TRIP11: variants seen among roughly 807,000 people sequenced by gnomAD.
TRIP11 encodes thyroid hormone receptor interactor 11.
A neutral mutation model predicts 223.1 loss-of-function variants in TRIP11; 148 were observed. That is an observed-to-expected ratio of 0.66 (90% CI 0.58 to 0.76). The LOEUF is 0.76. TRIP11 is among the 30% of genes least tolerant of loss of function. The pLI, the probability that TRIP11 is intolerant of heterozygous loss-of-function variation, is 0.00. For synonymous variants in TRIP11, 762 were observed against 772.6 expected (o/e 0.99, Z 0.23); for missense variants, 2,043 against 2,222.0 (o/e 0.92, Z 1.62).
rs995402570 is a variant in TRIP11 at position 92,037,532 on chromosome 14, A to C, written c.139+2015T>G. Among the ~76,000 whole-genome samples, 1 of 152,268 alleles carries C rather than the reference A, an allele frequency of 6.6e-6. No homozygotes were observed. The highest frequency in any genetic ancestry group is 2.4e-5 in the African/African-American group (1 of 41,480). On this transcript the variant is annotated intron_variant, in intron 1 of 20. Transcript: ENST00000267622. This position sits in a 1 kb window ranked among gnomAD's most constrained non-coding sequence, Gnocchi z 4.2. ...CACGACAGAAGCTGTGCGTACAAGC[A>C]AGCATATATATGTGCACATGTACAG...
chr14:91,991,481 G>A (rs545878204), intron 15 of TRIP11, among the ~76,000 whole-genome samples: 48 of 152,250 alleles, frequency 3.2e-4, no homozygotes, highest in Admixed American at 1.4e-3. Context: ...TGTTGACAAG[G>A]ATGTAGAACA....
rs2140103853 is a variant in TRIP11, at chr14:91,993,867, A to C, written c.5102T>G (p.Leu1701Arg). The C allele has an allele frequency of 6.2e-7, 1 of 1,613,750 alleles. No homozygotes were observed. The highest frequency in any genetic ancestry group is 8.5e-7 in the Non-Finnish European group (1 of 1,179,938). The part of the protein sequence containing the change: ...YSAELEKQKQ[L>R]IAEWKKNAEN... ...TGCGTTTTTCTTCCATTCAGCTATAAGCTGTTTTTGCTTTTCGAGTTCAGC... is the reference window on the plus strand; with the variant it reads ...TGCGTTTTTCTTCCATTCAGCTATACGCTGTTTTTGCTTTTCGAGTTCAGC... The change falls in exon 15 of 21, where the codon CTT becomes CGT. Residue 1701 changes from leucine to arginine, a missense_variant. By Grantham distance (102) the Leu-to-Arg change is moderately radical (BLOSUM62 -2). Coordinates refer to ENST00000267622, the MANE Select transcript of TRIP11 (RefSeq NM_004239.4).
intron 1 of TRIP11, among the ~76,000 whole-genome samples, chr14:92,038,725 T>C (rs1408622220): frequency 6.6e-6 from 1 of 152,182 alleles, no homozygotes; most frequent in Non-Finnish European, 1.5e-5. Context: ...GAACAGCCCA[T>C]TATCTCCCTG....
chr14:91,993,928 A>C lies in TRIP11; in HGVS notation c.5057-16T>G. 6.3e-7 allele frequency: 1 copy of C among 1,577,688 alleles called. No homozygotes were observed. The highest frequency in any genetic ancestry group is 8.7e-7 in the Non-Finnish European group (1 of 1,148,744). Reference sequence around the variant, plus strand: ...GCTTTTTCCTCTAAAGAGAAAAGAAAGTTAACATTAGTATTTTGCAATCGT... The same window carrying C: ...GCTTTTTCCTCTAAAGAGAAAAGAACGTTAACATTAGTATTTTGCAATCGT... On this transcript the variant is annotated splice_polypyrimidine_tract_variant and intron_variant, in intron 14 of 20. Coordinates refer to ENST00000267622, the MANE Select transcript of TRIP11 (RefSeq NM_004239.4).
At chr14:91,992,966 C>G (rs1432336080) in intron 15 of TRIP11, among the ~76,000 whole-genome samples, 1 of 124,714 alleles carries the variant, frequency 8.0e-6, no homozygotes, top group East Asian at 2.3e-4. Flanking sequence ...AATCTAAAAG[C>G]ACGTTGTTTT....
chr14:92,021,538 T>TA lies in TRIP11; in HGVS notation c.588+17dup. 1 of 1,613,418 alleles carries TA rather than the reference T, an allele frequency of 6.2e-7. No individual in the cohort carries two copies. The highest frequency in any genetic ancestry group is 8.5e-7 in the Non-Finnish European group (1 of 1,179,874). ...TTTTACTCAAAGTTTTCAAAAACTC[T>TA]AAAAAATTTTTATCTACCTGAGCAA... On this transcript the variant is annotated intron_variant, in intron 4 of 20. Coordinates refer to ENST00000267622, the MANE Select transcript of TRIP11 (RefSeq NM_004239.4).
Position 91,969,779 on chromosome 14 carries a change from T to C in TRIP11, c.5834A>G (p.His1945Arg), listed in dbSNP as rs1204296457. ...PAGLGPGGPG[H>R]LLLKPISDVL... The stretch of plus-strand genomic sequence containing the variant: ...ATCTGAGATGGGTTTCAGAAGAAGA[T>C]GCCCGGGCCCACCAGGTCCAAGTCC... Residue 1945 changes from histidine to arginine, a missense_variant, in exon 21 of 21, where the codon CAT becomes CGT. Physicochemically the swap from His to Arg is conservative, Grantham distance 29. Transcript: ENST00000267622. 2 of 1,614,126 alleles carry C rather than the reference T, an allele frequency of 1.2e-6. No individual in the cohort carries two copies. Among genetic ancestry groups the C allele is most frequent in the Non-Finnish European group, 1.7e-6 (2 of 1,180,014 alleles).
intron 2 of TRIP11, among the ~76,000 whole-genome samples, chr14:92,025,767 C>A (rs2057177031): frequency 6.6e-6 from 1 of 151,728 alleles, no homozygotes. Flanking sequence ...GTAATCCCAG[C>A]TACTCGCGAG....
chr14:91,995,402 T>C lies in TRIP11; in HGVS notation c.5006A>G (p.Tyr1669Cys). 2 of 1,614,102 alleles carry C rather than the reference T, an allele frequency of 1.2e-6. No homozygotes were observed. Among genetic ancestry groups the C allele is most frequent in the Non-Finnish European group, 1.7e-6 (2 of 1,180,012 alleles). ...LSVSQEQVKQ[Y>C]ALSLANLQMV... Reference sequence around the variant, plus strand: ...CTGCAGGTTGGCCAGTGACAGAGCATACTGCTTTACTTGTTCCTGAGAGAC... The same window carrying C: ...CTGCAGGTTGGCCAGTGACAGAGCACACTGCTTTACTTGTTCCTGAGAGAC... Residue 1669 changes from tyrosine (Y) to cysteine (C), a missense_variant, in exon 14 of 21, where the codon TAT (tyrosine) becomes TGT (cysteine). By Grantham distance (194) the Tyr-to-Cys change is radical (BLOSUM62 -2). Transcript: ENST00000267622.
At chr14:92,002,258 T>A (rs2056836340) in intron 11 of TRIP11, among the ~76,000 whole-genome samples, 1 of 152,180 alleles carries the variant, frequency 6.6e-6, no homozygotes, top group African/African-American at 2.4e-5. Context: ...TAAAATGAAT[T>A]GCATATAAAA....
At chr14:92,010,137 A>T (rs1199051123) in intron 9 of TRIP11, among the ~76,000 whole-genome samples, 1 of 152,240 alleles carries the variant, frequency 6.6e-6, no homozygotes, top group African/African-American at 2.4e-5. Context: ...AAATACTTCT[A>T]AATACCTTTC....
chr14:91,979,356 G>C (rs2056508799), intron 16 of TRIP11, among the ~76,000 whole-genome samples: 1 of 151,398 alleles, frequency 6.6e-6, no homozygotes, highest in African/African-American at 2.4e-5. Flanking sequence ...AAAAATTTTA[G>C]TAAAATAAAG....
chr14:92,011,776 C>G lies in TRIP11; in HGVS notation c.1206G>C (p.Met402Ile). 1 of 1,611,940 alleles carries G rather than the reference C, an allele frequency of 6.2e-7. No homozygotes were observed. Among genetic ancestry groups the G allele is most frequent in the Non-Finnish European group, 8.5e-7 (1 of 1,179,356 alleles). Residue 402 changes from methionine to isoleucine, a missense_variant, in exon 8 of 21, where the codon ATG becomes ATC. Coordinates refer to ENST00000267622, the MANE Select transcript of TRIP11 (RefSeq NM_004239.4). ...TTACCTGGTTTAAACTACTCAATCT[C>G]ATTATTTCATTTTCGGCATCTGTAA... is the stretch of plus-strand genomic sequence containing the variant. ...QALSDAENEI[M>I]RLSSLNQDNS... is the part of the protein sequence containing the mutation.
At chr14:92,019,004 A>G (rs2057076430) in intron 4 of TRIP11, among the ~76,000 whole-genome samples, 1 of 149,528 alleles carries the variant, frequency 6.7e-6, no homozygotes, top group African/African-American at 2.4e-5. Context: ...CAGTTTCCTT[A>G]TTTATAAAAT....
At chr14:91,972,693 G>C in intron 20 of TRIP11, 24 bp downstream of exon 20, 2 of 1,587,944 alleles carry the variant, frequency 1.3e-6, no homozygotes, top group Non-Finnish European at 1.7e-6. Context: ...TCAAATTATA[G>C]AAAAATTAAA....
chr14:92,018,981 A>C (rs938820076), intron 4 of TRIP11, among the ~76,000 whole-genome samples: 3 of 150,798 alleles, frequency 2.0e-5, no homozygotes, highest in African/African-American at 7.3e-5. Flanking sequence ...AAAAAAAACA[A>C]AAAAAAAACT....
At chr14:92,027,515 C>G (rs2057205295) in intron 2 of TRIP11, among the ~76,000 whole-genome samples, 1 of 151,846 alleles carries the variant, frequency 6.6e-6, no homozygotes, top group Non-Finnish European at 1.5e-5. Flanking sequence ...ATGTGTGAGA[C>G]AATGTTGTCC....
At position 91,966,418 on chromosome 14, in the gene TRIP11, CT is replaced by C. The variant is rs1256782000; in HGVS notation, c.*3254del. 1.1e-5 allele frequency: 2 copies of C among 188,184 alleles called. No individual in the cohort carries two copies. Among genetic ancestry groups the C allele is most frequent in the East Asian group, 1.7e-4 (2 of 11,688 alleles). The allele number at this position is 188,184 out of a possible 1,614,324, so 11.7% of individuals were successfully genotyped here. ...CTTGAATACTTCAATATGTGGAAAA[CT>C]TCATTATCTTTAAATATCAGGTCCA... On this transcript the variant is annotated 3_prime_UTR_variant, in exon 21 of 21. Transcript: ENST00000267622.
chr14:92,024,139 A>G (rs1207146896), intron 3 of TRIP11, among the ~76,000 whole-genome samples: 1 of 152,192 alleles, frequency 6.6e-6, no homozygotes. Flanking sequence ...ACACTTTGGG[A>G]GGCCAAGGCG....
Sources: allele counts gnomAD v4.1 joint callset (sites outside exome capture counted in the v4.1 genomes callset), GRCh38; gene constraint gnomAD v4.1.1; non-coding constraint Gnocchi (gnomAD v3.1); transcripts MANE v1.5; gene names NCBI Gene and HGNC (gene_info 2026-07-23, HGNC 2026-07-21).